SH3BGRL2: variants seen among roughly 807,000 people sequenced by gnomAD.
The protein encoded by SH3BGRL2 is SH3 domain binding glutamate rich protein like 2.
SH3BGRL2 carries 21 observed loss-of-function variants against 14.8 expected under a neutral mutation model. That is an observed-to-expected ratio of 1.42 (90% CI 1.01 to 2.05). The LOEUF is 2.05. Among genes scored for constraint, SH3BGRL2 ranks in the 30% most tolerant of loss-of-function variants. The probability of loss-of-function intolerance (pLI) is 0.00; values close to 1 mark genes in which losing one functional copy is unlikely to be tolerated. For synonymous variants in SH3BGRL2, 50 were observed against 47.8 expected (o/e 1.05, Z -0.19); for missense variants, 147 against 130.8 (o/e 1.12, Z -0.61).
intron 1 of SH3BGRL2, among the ~76,000 whole-genome samples, chr6:79,637,385 A>C (rs2127722819): frequency 6.6e-6 from 1 of 152,312 alleles, no homozygotes; most frequent in Non-Finnish European, 1.5e-5. Flanking sequence ...GCCAAGATAA[A>C]ATAATTTATT....
chr6:79,658,096 A>G (rs532956599), intron 1 of SH3BGRL2, among the ~76,000 whole-genome samples: 4 of 152,316 alleles, frequency 2.6e-5, no homozygotes, highest in Admixed American at 2.6e-4. Flanking sequence ...GTAAATTCTG[A>G]CACCTGCCCA....
At chr6:79,549,422 C>T in the SH3BGRL2 span, among the ~76,000 whole-genome samples, 1 of 152,172 alleles carries the variant, frequency 6.6e-6, no homozygotes, top group Non-Finnish European at 1.5e-5. Flanking sequence ...CACATACTCA[C>T]CAGTGGTCCC....
chr6:79,588,185 C>A, the SH3BGRL2 span, among the ~76,000 whole-genome samples: 1 of 149,622 alleles, frequency 6.7e-6, no homozygotes. Context: ...CCCAGCTACT[C>A]GGGAGGCTGA....
At chr6:79,575,151 C>T in the SH3BGRL2 span, 1 of 152,198 alleles carries the variant, frequency 6.6e-6, no homozygotes, top group African/African-American at 2.4e-5. Flanking sequence ...TCATCAACCA[C>T]AATGTCCATT....
intron 1 of SH3BGRL2, among the ~76,000 whole-genome samples, chr6:79,639,730 C>T (rs1050780354): frequency 6.6e-6 from 1 of 152,178 alleles, no homozygotes; most frequent in Non-Finnish European, 1.5e-5. Flanking sequence ...AAGCTCTAAA[C>T]TCAGGAGACC....
At chr6:79,624,315 T>C in the SH3BGRL2 span, among the ~76,000 whole-genome samples, 3 of 149,994 alleles carry the variant, frequency 2.0e-5, no homozygotes, top group African/African-American at 7.3e-5. Flanking sequence ...AATACATATG[T>C]ATCATTAATC....
At chr6:79,564,327 C>A in the SH3BGRL2 span, among the ~76,000 whole-genome samples, 1 of 152,238 alleles carries the variant, frequency 6.6e-6, no homozygotes, top group East Asian at 1.9e-4. Context: ...TGACTTTATG[C>A]CTGGCAGAGG....
chr6:79,666,466 A>G (rs537965219), intron 1 of SH3BGRL2, among the ~76,000 whole-genome samples: 1 of 152,286 alleles, frequency 6.6e-6, no homozygotes, highest in South Asian at 2.1e-4. Context: ...ACTTTCTGCC[A>G]TTTGCATCCT....
At chr6:79,557,262 T>A in the SH3BGRL2 span, among the ~76,000 whole-genome samples, 2 of 151,730 alleles carry the variant, frequency 1.3e-5, no homozygotes, top group Non-Finnish European at 2.9e-5. Context: ...ATTTTTATAA[T>A]TTTTATAGAT....
intron 1 of SH3BGRL2, 83 bp from the exon 2 acceptor site, chr6:79,673,531 A>T: frequency 1.5e-6 from 2 of 1,354,614 alleles, no homozygotes; most frequent in South Asian, 1.4e-5. Flanking sequence ...TGTATCAATG[A>T]CATAAATCTA....
chr6:79,629,427 G>T (rs1299583660), upstream of SH3BGRL2, among the ~76,000 whole-genome samples: 1 of 150,402 alleles, frequency 6.6e-6, no homozygotes, highest in South Asian at 2.1e-4. Context: ...CCTGCTGTAT[G>T]TACAGGGCTT....
the SH3BGRL2 span, among the ~76,000 whole-genome samples, chr6:79,571,973 A>C: frequency 1.3e-5 from 2 of 152,298 alleles, no homozygotes; most frequent in Non-Finnish European, 2.9e-5. Context: ...GAGAATTTCC[A>C]TACACCATTC....
chr6:79,573,131 A>G, the SH3BGRL2 span, among the ~76,000 whole-genome samples: 3,729 of 152,292 alleles, frequency 0.024, 60 homozygotes, highest in Middle Eastern at 0.071. Context: ...TGAAGATTTT[A>G]CTTTGTATAT....
intron 1 of SH3BGRL2, among the ~76,000 whole-genome samples, chr6:79,646,384 C>A (rs186487839): frequency 1.4e-4 from 21 of 152,310 alleles, no homozygotes; most frequent in African/African-American, 5.1e-4. Flanking sequence ...CCTAATACTT[C>A]TAGAGCAGTG....
chr6:79,663,819 C>T (rs1362207507), intron 1 of SH3BGRL2, among the ~76,000 whole-genome samples: 1 of 152,192 alleles, frequency 6.6e-6, no homozygotes, highest in Non-Finnish European at 1.5e-5. Context: ...GTGGTGGGCT[C>T]CACCCAGTTT....
chr6:79,606,587 A>G, the SH3BGRL2 span, among the ~76,000 whole-genome samples: 3 of 152,212 alleles, frequency 2.0e-5, no homozygotes, highest in Non-Finnish European at 4.4e-5. Context: ...AAAATGTCAC[A>G]GGTTACTGTG....
chr6:79,552,322 T>C, the SH3BGRL2 span, among the ~76,000 whole-genome samples: 7 of 152,178 alleles, frequency 4.6e-5, no homozygotes, highest in South Asian at 1.4e-3. Context: ...AGTGCTTGTT[T>C]AGTTGTTGAA....
intron 2 of SH3BGRL2, among the ~76,000 whole-genome samples, chr6:79,693,258 C>A (rs1770263092): frequency 6.6e-6 from 1 of 152,122 alleles, no homozygotes; most frequent in Non-Finnish European, 1.5e-5. Flanking sequence ...AGATTTTGGG[C>A]TGAGACAATG....
chr6:79,585,684 A>G, the SH3BGRL2 span, among the ~76,000 whole-genome samples: 1 of 152,192 alleles, frequency 6.6e-6, no homozygotes, highest in Non-Finnish European at 1.5e-5. Context: ...CCAAGTCCCT[A>G]AGAAGTATTT....
Sources: gnomAD v4.1 joint callset for allele counts (sites outside exome capture counted in the v4.1 genomes callset) on GRCh38, gnomAD v4.1.1 for gene constraint, MANE v1.5 for transcripts, NCBI Gene and HGNC (gene_info 2026-07-23, HGNC 2026-07-21) for gene names.